ZNF385D: variants seen among roughly 807,000 people sequenced by gnomAD.
ZNF385D encodes zinc finger protein 659.
A neutral mutation model predicts 35.8 loss-of-function variants in ZNF385D; 15 were observed. The observed-to-expected ratio is 0.42, with a 90% confidence interval of 0.28 to 0.64. The LOEUF is 0.64. Ranked by LOEUF, ZNF385D falls within the 30% of genes least tolerant of loss-of-function variation. ZNF385D has a pLI of 0.23. For synonymous variants in ZNF385D, 212 were observed against 186.8 expected (o/e 1.13, Z -1.10); for missense variants, 474 against 494.6 (o/e 0.96, Z 0.39).
At chr3:21,982,794 G>A (rs1427036384) in intron 3 of ZNF385D, among the ~76,000 whole-genome samples, 2 of 144,308 alleles carry the variant, frequency 1.4e-5, no homozygotes, top group Non-Finnish European at 3.0e-5. Flanking sequence ...TTAACATGAA[G>A]GGCTGTTGAA....
intron 3 of ZNF385D, among the ~76,000 whole-genome samples, chr3:22,087,632 C>T (rs1011340344): frequency 2.0e-5 from 3 of 152,140 alleles, no homozygotes; most frequent in African/African-American, 7.2e-5. Flanking sequence ...GATTTTTGAG[C>T]TATCACACCA....
intron 1 of ZNF385D, among the ~76,000 whole-genome samples, chr3:21,702,688 C>G (rs891350510): frequency 6.6e-6 from 1 of 152,224 alleles, no homozygotes; most frequent in Non-Finnish European, 1.5e-5. Context: ...ACCCAAGTCA[C>G]TCTTGAATGC....
chr3:21,670,660 CCCCCCCCCCCCCCAATGACTGAACGAAT>C (rs2066544805), intron 1 of ZNF385D, among the ~76,000 whole-genome samples: 1 of 8,020 alleles, frequency 1.2e-4, no homozygotes, highest in African/African-American at 2.9e-4. Context: ...GCCCCCCCCC[CCCCCCCCCCCCCCAATGACTGAACGAAT>C]CCCCTTTGGC....
At chr3:22,082,242 G>A (rs2125585020) in intron 3 of ZNF385D, among the ~76,000 whole-genome samples, 1 of 152,234 alleles carries the variant, frequency 6.6e-6, no homozygotes, top group South Asian at 2.1e-4. Flanking sequence ...CTGAAGCAGG[G>A]CAGGGCATCG....
intron 3 of ZNF385D, among the ~76,000 whole-genome samples, chr3:21,965,615 T>C (rs555888): frequency 0.14 from 21,070 of 152,120 alleles, 3,519 homozygotes; most frequent in African/African-American, 0.4. Flanking sequence ...TGAGTCTAGA[T>C]TGGATTCTGG....
upstream of ZNF385D, among the ~76,000 whole-genome samples, chr3:21,754,696 C>T (rs1213815087): frequency 6.6e-6 from 1 of 151,960 alleles, no homozygotes; most frequent in East Asian, 1.9e-4. Flanking sequence ...TTCTCCATGG[C>T]AACTATCATC....
At position 21,670,647 on chromosome 3, in the gene ZNF385D, G is replaced by GCCCCCCCCCCCCC. The variant is rs1575432248; in HGVS notation, c.23-5620_23-5619insGGGGGGGGGGGGG. On this transcript the variant is annotated intron_variant, in intron 1 of 7. Transcript: ENST00000281523. ...CTGAGAAATAAAAATGAAATCCTAAGGCGCCCCCCCCCCCCCCCCCCCCCC... is the reference window on the plus strand; with the variant it reads ...CTGAGAAATAAAAATGAAATCCTAAGCCCCCCCCCCCCCGCGCCCCCCCCCCCCCCCCCCCCCC... Among the ~76,000 whole-genome samples the GCCCCCCCCCCCCC allele has an allele frequency of 3.2e-4, 5 of 15,758 alleles. 1 individual carries two copies. Among genetic ancestry groups the GCCCCCCCCCCCCC allele is most frequent in the Non-Finnish European group, 4.9e-4 (4 of 8,140 alleles). 10.3% of individuals were successfully genotyped at this position (15,758 alleles called of 152,430 possible).
chr3:21,842,858 GATC>G (rs540268815), intron 3 of ZNF385D, among the ~76,000 whole-genome samples: 49 of 152,142 alleles, frequency 3.2e-4, no homozygotes, highest in Non-Finnish European at 6.3e-4. Context: ...TTCAAAATAA[GATC>G]ATTTTGGTCT....
At chr3:22,222,380 G>T (rs113341264) in intron 2 of ZNF385D, among the ~76,000 whole-genome samples, 4 of 152,150 alleles carry the variant, frequency 2.6e-5, no homozygotes, top group East Asian at 1.9e-4. Flanking sequence ...AAAAAAACTT[G>T]TATCTACTTA....
At chr3:21,803,290 G>C (rs968374637) in intron 3 of ZNF385D, among the ~76,000 whole-genome samples, 3 of 152,204 alleles carry the variant, frequency 2.0e-5, no homozygotes, top group East Asian at 1.9e-4. Context: ...TGAGAAGACA[G>C]CATTTGGGTG....
At chr3:22,334,473 C>G (rs548902198) in intron 2 of ZNF385D, among the ~76,000 whole-genome samples, 1 of 152,226 alleles carries the variant, frequency 6.6e-6, no homozygotes, top group African/African-American at 2.4e-5. Context: ...TGTACCCACA[C>G]TTTTACCATT....
intron 3 of ZNF385D, among the ~76,000 whole-genome samples, chr3:21,805,012 G>A (rs1008047096): frequency 3.3e-5 from 5 of 152,168 alleles, no homozygotes; most frequent in African/African-American, 7.2e-5. Context: ...TGGAGGTGGG[G>A]TGGAAAAGAA....
chr3:22,260,205 G>A (rs1355879219), intron 2 of ZNF385D, among the ~76,000 whole-genome samples: 1 of 151,864 alleles, frequency 6.6e-6, no homozygotes, highest in Non-Finnish European at 1.5e-5. Flanking sequence ...TCCAAGAAAT[G>A]GAAGCCTTCA....
At chr3:22,037,738 T>A (rs943513164) in intron 3 of ZNF385D, among the ~76,000 whole-genome samples, 26 of 152,292 alleles carry the variant, frequency 1.7e-4, no homozygotes, top group African/African-American at 6.3e-4. Context: ...CAATTTTGGC[T>A]TTTGTTGTCA....
At chr3:22,273,328 C>T (rs1417088522) in intron 2 of ZNF385D, among the ~76,000 whole-genome samples, 2 of 151,968 alleles carry the variant, frequency 1.3e-5, no homozygotes, top group Admixed American at 6.6e-5. Context: ...GAGCAGCAGA[C>T]ATTAGTCCTT....
intron 2 of ZNF385D, among the ~76,000 whole-genome samples, chr3:22,294,643 GTGC>G (rs1428215363): frequency 6.6e-5 from 10 of 150,602 alleles, no homozygotes; most frequent in Non-Finnish European, 1.5e-5. Flanking sequence ...TTGAATCCTG[GTGC>G]TGATGATTAC....
chr3:22,364,571 A>G (rs1375609924), intron 2 of ZNF385D, among the ~76,000 whole-genome samples: 1 of 151,900 alleles, frequency 6.6e-6, no homozygotes, highest in Non-Finnish European at 1.5e-5. Flanking sequence ...CCCCATTAGG[A>G]TAGCTACTAT....
chr3:22,264,060 G>C (rs1197792156), intron 2 of ZNF385D, among the ~76,000 whole-genome samples: 1 of 151,944 alleles, frequency 6.6e-6, no homozygotes, highest in African/African-American at 2.4e-5. Context: ...AACCCAAAGG[G>C]ATATGGAATG....
chr3:21,933,137 G>A (rs538567589), intron 3 of ZNF385D, among the ~76,000 whole-genome samples: 177 of 152,240 alleles, frequency 1.2e-3, no homozygotes, highest in African/African-American at 4.0e-3. Context: ...AGAAAAACTC[G>A]TCTCAATTTG....
Sources: allele counts gnomAD v4.1 joint callset (sites outside exome capture counted in the v4.1 genomes callset), GRCh38; gene constraint gnomAD v4.1.1; transcripts MANE v1.5; gene names NCBI Gene and HGNC (gene_info 2026-07-23, HGNC 2026-07-21).